Variants in EPC1 observed in about 807,000 individuals in gnomAD.
The protein encoded by EPC1 is enhancer of polycomb homolog 1.
Under a neutral mutation model 98.4 loss-of-function variants are expected in EPC1, and 12 were observed. That is an observed-to-expected ratio of 0.12 (90% CI 0.08 to 0.20). The LOEUF (loss-of-function observed/expected upper bound fraction) is 0.20, where lower values mean the gene tolerates loss of function less well. Among genes scored for constraint, EPC1 ranks in the 10% least tolerant of loss-of-function variants. The pLI, the probability that EPC1 is intolerant of heterozygous loss-of-function variation, is 1.00. For synonymous variants in EPC1, 357 were observed against 363.9 expected, an observed-to-expected ratio of 0.98 and a Z score of 0.21; for missense variants, 729 against 990.5, an observed-to-expected ratio of 0.74 and a Z score of 3.54.
chr10:32,327,115 CA>C (rs971802814), intron 1 of EPC1, among the ~76,000 whole-genome samples: 4 of 149,686 alleles, frequency 2.7e-5, no homozygotes, highest in Admixed American at 2.7e-4. Flanking sequence ...TATTCAGCTA[CA>C]AAAAAGGATG....
chr10:32,292,429 AATT>A, intron 5 of EPC1, 64 bp downstream of exon 5: 2 of 1,174,532 alleles, frequency 1.7e-6, no homozygotes, highest in Non-Finnish European at 2.3e-6. Context: ...ATAGGAAATA[AATT>A]AACTCAATAT....
intron 1 of EPC1, among the ~76,000 whole-genome samples, chr10:32,328,870 AG>A (rs1837467323): frequency 6.6e-6 from 1 of 152,186 alleles, no homozygotes; most frequent in Non-Finnish European, 1.5e-5. Context: ...AGGTGGTTGC[AG>A]GTAACATTTT....
At chr10:32,287,638 G>A (rs1477764828) in intron 6 of EPC1, among the ~76,000 whole-genome samples, 1 of 151,610 alleles carries the variant, frequency 6.6e-6, no homozygotes, top group Non-Finnish European at 1.5e-5. Flanking sequence ...TTTTTAAAGG[G>A]GATTGTCTAA....
intron 2 of EPC1, 50 bp from the exon 3 acceptor site, chr10:32,293,787 A>T (rs1173242433): frequency 2.0e-6 from 3 of 1,523,626 alleles, no homozygotes; most frequent in Non-Finnish European, 8.9e-7. Context: ...TTCACCGACA[A>T]AAACTCCACA....
At chr10:32,353,244 C>A (rs1013959473) in intron 1 of EPC1, among the ~76,000 whole-genome samples, 3 of 150,806 alleles carry the variant, frequency 2.0e-5, no homozygotes, top group Admixed American at 1.3e-4. Context: ...GAACTAGAAT[C>A]GAAGAAAGAG....
At position 32,293,149 on chromosome 10, in the gene EPC1, C is replaced by T; in HGVS notation, c.505G>A (p.Glu169Lys). The T allele has an allele frequency of 1.2e-6, 2 of 1,613,022 alleles. No homozygotes were observed. The highest frequency in any genetic ancestry group is 1.1e-5 in the South Asian group (1 of 90,914). ...EAKLLLKEDD[E>K]LIREVYEYWI... ...TATTCATAAACTTCTCTAATTAGTT[C>T]ATCATCTTCTTTTAGCAGTAGTTTG... The change falls in exon 4 of 14, where the codon GAA (glutamate) becomes AAA (lysine). Residue 169 changes from glutamate (E) to lysine (K), a missense_variant. Coordinates refer to ENST00000319778, the MANE Select transcript of EPC1 (RefSeq NM_001272004.3).
In EPC1 at chr10:32,287,028, TAAAG is replaced by T. The variant is rs746381989; in HGVS notation, c.1153-17_1153-14del. 1.9e-6 allele frequency: 3 copies of T among 1,613,614 alleles called. No homozygotes were observed. Among genetic ancestry groups the T allele is most frequent in the Admixed American group, 3.3e-5 (2 of 59,860 alleles). On this transcript the variant is annotated splice_polypyrimidine_tract_variant and intron_variant, in intron 7 of 13. Transcript: ENST00000319778. ...AGCCAGACAAAACCTTTAAATGAAA[TAAAG>T]AAAGTAGGTCAGATACGTGACTTCC...
intron 1 of EPC1, chr10:32,345,289 A>G (rs925921107): frequency 2.8e-5 from 28 of 985,338 alleles, no homozygotes; most frequent in Middle Eastern, 1.0e-3. Flanking sequence ...CACTTGGCTT[A>G]TCTGTAAAGT....
At chr10:32,271,971 T>C in intron 12 of EPC1, 54 bp from the exon 13 acceptor site, 11 of 1,597,660 alleles carry the variant, frequency 6.9e-6, no homozygotes, top group Non-Finnish European at 9.4e-6. Context: ...GCTGTTTATA[T>C]TATAGATATA....
intron 3 of EPC1, 90 bp downstream of exon 3, chr10:32,293,502 C>A (rs1315726623): frequency 2.4e-6 from 3 of 1,239,590 alleles, no homozygotes; most frequent in South Asian, 1.6e-5. Flanking sequence ...TGACTGATTA[C>A]CCCCAACCTG....
chr10:32,347,634 G>C (rs1838943961), upstream of EPC1, among the ~76,000 whole-genome samples: 2 of 152,110 alleles, frequency 1.3e-5, no homozygotes, highest in Non-Finnish European at 2.9e-5. Flanking sequence ...CCCCCACGGG[G>C]CTTCGGAGGG....
At chr10:32,304,421 T>C (rs1029715186) in intron 2 of EPC1, among the ~76,000 whole-genome samples, 5 of 152,248 alleles carry the variant, frequency 3.3e-5, no homozygotes, top group African/African-American at 9.6e-5. Context: ...CACCTTGGCA[T>C]GATTTTCTGG....
intron 1 of EPC1, chr10:32,374,486 T>A (rs1395824645): frequency 1.3e-5 from 2 of 152,154 alleles, no homozygotes; most frequent in Admixed American, 1.3e-4. Flanking sequence ...GTTTCATTTC[T>A]CATTTTGCAA....
intron 1 of EPC1, among the ~76,000 whole-genome samples, chr10:32,338,156 C>T (rs1838093021): frequency 6.6e-6 from 1 of 152,180 alleles, no homozygotes. Context: ...AAGTCCATCC[C>T]TTCTACATCC....
chr10:32,362,308 T>C (rs909911514), intron 1 of EPC1, among the ~76,000 whole-genome samples: 10 of 151,934 alleles, frequency 6.6e-5, no homozygotes, highest in Non-Finnish European at 1.0e-4. Flanking sequence ...CTGTAATCCC[T>C]AATGTTGGAG....
chr10:32,316,070 A>C (rs992394395), intron 1 of EPC1, among the ~76,000 whole-genome samples: 3 of 152,186 alleles, frequency 2.0e-5, no homozygotes, highest in African/African-American at 7.2e-5. Flanking sequence ...TCAATCTTGT[A>C]AGAATCAGCC....
chr10:32,366,557 T>G (rs1312589258), intron 1 of EPC1, among the ~76,000 whole-genome samples: 1 of 152,228 alleles, frequency 6.6e-6, no homozygotes, highest in Non-Finnish European at 1.5e-5. Context: ...TTTCAGATTT[T>G]CCTTATTAAA....
chr10:32,300,977 G>A (rs142759010), intron 2 of EPC1, among the ~76,000 whole-genome samples: 49 of 152,048 alleles, frequency 3.2e-4, no homozygotes, highest in African/African-American at 1.1e-3. Flanking sequence ...TAGAGAATAG[G>A]TGCTATGTTT....
At chr10:32,329,407 T>C (rs1395286030) in intron 1 of EPC1, among the ~76,000 whole-genome samples, 2 of 152,228 alleles carry the variant, frequency 1.3e-5, no homozygotes, top group East Asian at 1.9e-4. Flanking sequence ...GATTGTTATG[T>C]TTATAGCCCA....
Sources: allele counts gnomAD v4.1 joint callset (sites outside exome capture counted in the v4.1 genomes callset), GRCh38; gene constraint gnomAD v4.1.1; transcripts MANE v1.5; gene names NCBI Gene and HGNC (gene_info 2026-07-23, HGNC 2026-07-21).